Variants in LIG1 observed in about 807,000 individuals in gnomAD.
The protein encoded by LIG1 is DNA ligase 1.
In LIG1, 70 loss-of-function variants were observed where a neutral mutation model predicts 115.7. The observed-to-expected ratio is 0.60, with a 90% CI of 0.50 to 0.74. LIG1 has a LOEUF of 0.74. Among genes scored for constraint, LIG1 ranks in the 30% least tolerant of loss-of-function variants. LIG1 has a pLI of 0.00. For missense variants in LIG1, 1,115 were observed against 1,225.6 expected (o/e 0.91, Z 1.35); for synonymous variants, 487 against 495.3 (o/e 0.98, Z 0.22).
Position 48,137,458 on chromosome 19 carries a change from C to T in LIG1, c.1254+64G>A. 12 of 1,590,602 alleles carry T rather than the reference C, an allele frequency of 7.5e-6. No homozygotes were observed. Among genetic ancestry groups the T allele is most frequent in the Non-Finnish European group, 1.0e-5 (12 of 1,172,376 alleles). The stretch of plus-strand genomic sequence containing the variant: ...ATGGTCTACCCAGAAGCCTTCCTGA[C>T]ACACGCGTGGCCTCAGGTCCCCAAG... On this transcript the variant is annotated intron_variant, in intron 13 of 27. Transcript: ENST00000263274. This position sits in a 1 kb window ranked among gnomAD's most constrained non-coding sequence, Gnocchi z 4.3.
At chr19:48,154,108 T>G in intron 5 of LIG1, 141 bp from the exon 6 acceptor site, 1 of 746,288 alleles carries the variant, frequency 1.3e-6, no homozygotes. Flanking sequence ...ACTGCCCCAG[T>G]GCAGGCCGCA....
Position 48,131,135 on chromosome 19 carries a change from T to C in LIG1, c.1762A>G (p.Ser588Gly), listed in dbSNP as rs2033995657. The C allele has an allele frequency of 1.2e-6, 2 of 1,614,140 alleles. No individual in the cohort carries two copies. The highest frequency in any genetic ancestry group is 1.7e-6 in the Non-Finnish European group (2 of 1,179,996). The change falls in exon 19 of 28, where the codon AGC (serine) becomes GGC (glycine). Residue 588 changes from serine to glycine, a missense_variant. Ser to Gly is a moderately conservative substitution (Grantham distance 56). Coordinates refer to ENST00000263274, the MANE Select transcript of LIG1 (RefSeq NM_000234.3). ...ALEGGEVKIFSRNQEDNTGKY... is the reference protein window; with the variant it reads ...ALEGGEVKIFGRNQEDNTGKY... ...CCAGTGTTGTCTTCCTGATTCCTGCTGAAGATCTTCACCTCCCCGCCTTCC... is the reference window on the plus strand; with the variant it reads ...CCAGTGTTGTCTTCCTGATTCCTGCCGAAGATCTTCACCTCCCCGCCTTCC...
intron 16 of LIG1, among the ~76,000 whole-genome samples, chr19:48,134,291 TCAC>T (rs1487183274): frequency 1.3e-5 from 2 of 152,112 alleles, no homozygotes. Context: ...TCCCTATCTG[TCAC>T]CACGAGACCA....
chr19:48,119,906 T>G lies in LIG1; in HGVS notation c.2386-716A>C, dbSNP rs138106794. Among the ~76,000 whole-genome samples, 335 of 152,310 alleles carry G rather than the reference T, an allele frequency of 2.2e-3. 1 individual carries two copies. The highest frequency in any genetic ancestry group is 3.7e-3 in the Non-Finnish European group (251 of 68,032). Reference sequence around the variant, plus strand: ...TACCAAAATAGGAAAGGCTAAAAATTAGCAGTAATGCTGGATGCTGGCAGA... The same window carrying G: ...TACCAAAATAGGAAAGGCTAAAAATGAGCAGTAATGCTGGATGCTGGCAGA... On this transcript the variant is annotated intron_variant, in intron 24 of 27. Coordinates refer to ENST00000263274, the MANE Select transcript of LIG1 (RefSeq NM_000234.3).
At chr19:48,163,944 C>CAAA (rs36027045) in intron 2 of LIG1, among the ~76,000 whole-genome samples, 5 of 83,154 alleles carry the variant, frequency 6.0e-5, no homozygotes, top group Non-Finnish European at 7.1e-5. Flanking sequence ...GACTCTGTCT[C>CAAA]AAAAAAAAAA....
At chr19:48,163,546 T>C (rs545438297) in intron 2 of LIG1, among the ~76,000 whole-genome samples, 1 of 152,100 alleles carries the variant, frequency 6.6e-6, no homozygotes, top group South Asian at 2.1e-4. Context: ...CCAGGGCCTG[T>C]TCTGGGCCTG....
chr19:48,151,191 CAGG>C (rs2035450970), intron 7 of LIG1, 38 bp downstream of exon 7: 1 of 1,267,674 alleles, frequency 7.9e-7, no homozygotes, highest in African/African-American at 1.5e-5. Flanking sequence ...ACCCCAAAAT[CAGG>C]AGGTGGGGCA....
chr19:48,163,760 G>C (rs575025773), intron 2 of LIG1, among the ~76,000 whole-genome samples: 1 of 151,958 alleles, frequency 6.6e-6, no homozygotes, highest in South Asian at 2.1e-4. Flanking sequence ...TGGCTAACAC[G>C]GTGAAACCCT....
At chr19:48,143,694 C>A in intron 10 of LIG1, 95 bp from the exon 11 acceptor site, 1 of 1,202,910 alleles carries the variant, frequency 8.3e-7, no homozygotes, top group Admixed American at 1.7e-5. Flanking sequence ...CTCGGGACAC[C>A]CTTGCCAATA....
intron 2 of LIG1, 63 bp from the exon 3 acceptor site, chr19:48,162,414 T>G: frequency 8.7e-7 from 1 of 1,143,112 alleles, no homozygotes; most frequent in East Asian, 2.4e-5. Context: ...TGCCTATCTA[T>G]GCTGTATCCT....
chr19:48,145,724 C>A (rs957054727), intron 9 of LIG1, among the ~76,000 whole-genome samples: 3 of 152,202 alleles, frequency 2.0e-5, no homozygotes, highest in African/African-American at 2.4e-5. Context: ...AATGCTGCCA[C>A]TCCCCACCTG....
chr19:48,163,759 C>T (rs771399661), intron 2 of LIG1, among the ~76,000 whole-genome samples: 5 of 151,864 alleles, frequency 3.3e-5, no homozygotes, highest in African/African-American at 4.8e-5. Flanking sequence ...CTGGCTAACA[C>T]GGTGAAACCC....
At chr19:48,153,768 ACAC>A (rs1471251604) in intron 6 of LIG1, 101 bp downstream of exon 6, 1 of 519,544 alleles carries the variant, frequency 1.9e-6, no homozygotes, top group Non-Finnish European at 3.3e-6. Flanking sequence ...ACACACACAC[ACAC>A]ACCTCTCCTT....
chr19:48,131,789 G>A (rs565933602), intron 18 of LIG1, among the ~76,000 whole-genome samples: 3 of 152,258 alleles, frequency 2.0e-5, no homozygotes, highest in South Asian at 4.1e-4. Flanking sequence ...TGAGCAGGGC[G>A]GCATATATAG....
At chr19:48,155,970 A>G (rs1182724377) in intron 5 of LIG1, among the ~76,000 whole-genome samples, 5 of 152,216 alleles carry the variant, frequency 3.3e-5, no homozygotes, top group Non-Finnish European at 7.3e-5. Flanking sequence ...TCACCACGCT[A>G]AAGCGCTCAA....
intron 11 of LIG1, among the ~76,000 whole-genome samples, chr19:48,142,445 A>AAAAAAAAAAAAAAAAAC (rs1173532910): frequency 1.4e-5 from 2 of 146,578 alleles, no homozygotes; most frequent in African/African-American, 5.2e-5. Flanking sequence ...TCCATCTCAA[A>AAAAAAAAAAAAAAAAAC]AAAAAAAAAA....
chr19:48,150,269 C>CT (rs535339934), intron 7 of LIG1, 59 bp from the exon 8 acceptor site: 237 of 1,597,816 alleles, frequency 1.5e-4, no homozygotes, highest in East Asian at 1.8e-4. Context: ...CTTTTTTTTT[C>CT]TTTTTTTTTA....
chr19:48,117,607 C>G, intron 26 of LIG1, 31 bp downstream of exon 26: 1 of 1,609,192 alleles, frequency 6.2e-7, no homozygotes, highest in South Asian at 1.1e-5. Context: ...GAATCCCACA[C>G]AGGGCCACGG....
intron 21 of LIG1, among the ~76,000 whole-genome samples, chr19:48,124,931 C>G (rs1460858971): frequency 1.3e-5 from 2 of 151,640 alleles, no homozygotes. Flanking sequence ...AGGAGAATCA[C>G]TTGAACGCCA....
Sources: gnomAD v4.1 joint callset for allele counts (sites outside exome capture counted in the v4.1 genomes callset) on GRCh38, gnomAD v4.1.1 for gene constraint, Gnocchi (gnomAD v3.1) non-coding constraint, MANE v1.5 for transcripts, NCBI Gene and HGNC (gene_info 2026-07-23, HGNC 2026-07-21) for gene names.